NOL4L: variants seen among roughly 807,000 people sequenced by gnomAD.
NOL4L encodes the protein nucleolar protein 4 like.
NOL4L carries 7 observed loss-of-function variants against 64.5 expected under a neutral mutation model. The ratio of observed to expected loss-of-function variants is 0.11; its 90% confidence interval spans 0.06 to 0.20. The LOEUF (loss-of-function observed/expected upper bound fraction) is 0.20, where lower values mean the gene tolerates loss of function less well. NOL4L is among the 10% of genes least tolerant of loss of function. NOL4L has a pLI of 1.00. For missense variants in NOL4L, 680 were observed against 967.1 expected (o/e 0.70, Z 3.94); for synonymous variants, 413 against 401.0 (o/e 1.03, Z -0.36).
chr20:32,567,736 G>A (rs1430523545), intron 1 of NOL4L, among the ~76,000 whole-genome samples: 2 of 152,172 alleles, frequency 1.3e-5, no homozygotes, highest in Non-Finnish European at 2.9e-5. Flanking sequence ...GGAGCCCAAT[G>A]TGCAAACACA....
At chr20:32,511,505 T>A in intron 3 of NOL4L, 49 bp from the exon 4 acceptor site, 1 of 1,352,504 alleles carries the variant, frequency 7.4e-7, no homozygotes, top group Non-Finnish European at 1.0e-6. Flanking sequence ...GCTGCGGGCC[T>A]GTTGCCCACA....
intron 4 of NOL4L, among the ~76,000 whole-genome samples, chr20:32,492,927 C>A (rs2016523487): frequency 1.3e-5 from 2 of 152,202 alleles, no homozygotes; most frequent in Middle Eastern, 6.8e-3. Flanking sequence ...GTGGGCCCTG[C>A]TAAGGTGAGA....
rs1485550711 is a variant in NOL4L at position 32,453,588 on chromosome 20, A to G, written c.1293T>C (p.Leu431=). ...NDSEGMDPER[L]KAFNMFVRLF... The stretch of plus-strand genomic sequence containing the variant: ...GGCCGGTGCTCACGTTGAAGGCCTT[A>G]AGACGCTCAGGGTCCATGCCTTCAG... The change falls in exon 7 of 11, where the codon CTT becomes CTC. Residue 431 remains leucine (L), a synonymous_variant. Coordinates refer to ENST00000621426, the MANE Select transcript of NOL4L (RefSeq NM_001256798.2). This position sits in a 1 kb window ranked among gnomAD's most constrained non-coding sequence, Gnocchi z 5.6. 1.2e-6 allele frequency: 2 copies of G among 1,614,026 alleles called. No individual in the cohort carries two copies. The highest frequency in any genetic ancestry group is 1.7e-6 in the Non-Finnish European group (2 of 1,179,972).
At chr20:32,505,771 T>C (rs569749808) in intron 4 of NOL4L, among the ~76,000 whole-genome samples, 3 of 152,160 alleles carry the variant, frequency 2.0e-5, no homozygotes, top group African/African-American at 7.2e-5. Flanking sequence ...TGGATGAACC[T>C]TGAAGACATG....
At chr20:32,580,591 T>C (rs1454017863) in intron 1 of NOL4L, among the ~76,000 whole-genome samples, 1 of 152,098 alleles carries the variant, frequency 6.6e-6, no homozygotes, top group Non-Finnish European at 1.5e-5. Flanking sequence ...GTTTTGAGAG[T>C]GGAGTTTGGC....
intron 1 of NOL4L, among the ~76,000 whole-genome samples, chr20:32,577,431 T>C (rs1265321988): frequency 6.6e-6 from 1 of 152,238 alleles, no homozygotes; most frequent in African/African-American, 2.4e-5. Flanking sequence ...TGGAGCCTTC[T>C]GTATGTCATA....
chr20:32,514,484 C>T (rs553168743), intron 3 of NOL4L, among the ~76,000 whole-genome samples: 161 of 151,886 alleles, frequency 1.1e-3, no homozygotes, highest in Middle Eastern at 3.4e-3. Flanking sequence ...GAGCAAGACT[C>T]CGTCCCAAGG....
At chr20:32,554,153 T>C (rs747631188) in intron 1 of NOL4L, among the ~76,000 whole-genome samples, 8 of 151,882 alleles carry the variant, frequency 5.3e-5, no homozygotes, top group Non-Finnish European at 8.8e-5. Context: ...ACCCCGTCTC[T>C]ACTAAAAAAT....
intron 1 of NOL4L, 122 bp downstream of exon 1, chr20:32,584,448 C>T (rs1233812817): frequency 3.7e-6 from 3 of 820,594 alleles, no homozygotes; most frequent in African/African-American, 1.8e-5. Context: ...CCGGCGGGCC[C>T]GACACACGGA....
At chr20:32,465,514 T>G (rs897741090) in intron 5 of NOL4L, among the ~76,000 whole-genome samples, 2 of 152,188 alleles carry the variant, frequency 1.3e-5, no homozygotes, top group African/African-American at 4.8e-5. Context: ...TGCCTGTGTG[T>G]GGGTGTTCTC....
Position 32,452,319 on chromosome 20 carries a change from A to G in NOL4L, c.1739T>C (p.Leu580Pro). 6.2e-7 allele frequency: 1 copy of G among 1,609,326 alleles called. No homozygotes were observed. ...CCCGTACCCGCGGTAACTGTAGTTG[A>G]GGCCGCCGTTGGCGTACACAGGGTC... is the stretch of plus-strand genomic sequence containing the variant. ...SQDPVYANGG[L>P]NYSYRGYGAL... Residue 580 changes from leucine to proline, a missense_variant, in exon 10 of 11, where the codon CTC becomes CCC. Leu to Pro is a moderately conservative substitution (Grantham distance 98). Around this residue, in one of 4 missense-constraint regions of NOL4L, gnomAD observed 175 missense variants for 227.0 expected, o/e 0.77. Coordinates refer to ENST00000621426, the MANE Select transcript of NOL4L (RefSeq NM_001256798.2).
intron 1 of NOL4L, among the ~76,000 whole-genome samples, chr20:32,553,593 A>C (rs1278706594): frequency 6.6e-6 from 1 of 152,102 alleles, no homozygotes; most frequent in Non-Finnish European, 1.5e-5. Context: ...TAACATTTAC[A>C]TTTAGGGTTC....
chr20:32,509,489 G>C (rs2017287114), intron 4 of NOL4L, among the ~76,000 whole-genome samples: 1 of 129,854 alleles, frequency 7.7e-6, no homozygotes, highest in Non-Finnish European at 1.5e-5. Context: ...CTGCACTCCA[G>C]CCTGGGTGGC....
At chr20:32,547,146 C>G (rs1037464601) in intron 1 of NOL4L, among the ~76,000 whole-genome samples, 2 of 152,222 alleles carry the variant, frequency 1.3e-5, no homozygotes, top group African/African-American at 4.8e-5. Flanking sequence ...AACTCACTGA[C>G]TCTTCACTCC....
intron 1 of NOL4L, among the ~76,000 whole-genome samples, chr20:32,566,693 T>C: frequency 6.6e-6 from 1 of 152,142 alleles, no homozygotes. Context: ...AATGTCACAT[T>C]TTATAGCTGA....
At chr20:32,493,931 C>G (rs79395250) in intron 4 of NOL4L, among the ~76,000 whole-genome samples, 1 of 152,146 alleles carries the variant, frequency 6.6e-6, no homozygotes, top group Admixed American at 6.5e-5. Context: ...GAGACTAGGG[C>G]TCTCTTTCTT....
In NOL4L at chr20:32,447,030, G is replaced by A; in HGVS notation, c.*566C>T. 1 of 343,712 alleles carries A rather than the reference G, an allele frequency of 2.9e-6. No individual in the cohort carries two copies. The highest frequency in any genetic ancestry group is 5.7e-6 in the Non-Finnish European group (1 of 176,922). 21.3% of individuals were successfully genotyped at this position (343,712 alleles called of 1,614,324 possible). A position where few individuals can be genotyped will look rare whatever the true frequency, so the allele number is the denominator to read the frequency against. On this transcript the variant is annotated 3_prime_UTR_variant, in exon 11 of 11. Transcript: ENST00000621426. ...CAGAGGAACAGCCAGCCTGGCACCT[G>A]TCCTGCCCCTACTGGCCCCAGCCCA...
chr20:32,503,379 GC>G (rs1306965304), intron 4 of NOL4L, among the ~76,000 whole-genome samples: 2 of 152,326 alleles, frequency 1.3e-5, no homozygotes, highest in East Asian at 3.9e-4. Context: ...GAAGCCAGAA[GC>G]GGACAAGCAA....
In NOL4L at chr20:32,511,393, G is replaced by A. The variant is rs1231156342; in HGVS notation, c.653C>T (p.Thr218Ile). The A allele has an allele frequency of 6.4e-7, 1 of 1,550,560 alleles. No individual in the cohort carries two copies. ...TCGAAGCTTCATCTGCTTCAGGTAG[G>A]TGGAGGTGAGGGGCATGTTGTAATC... ...IIDYNMPLTSTYLKQMKLRVM... is the reference protein window; with the variant it reads ...IIDYNMPLTSIYLKQMKLRVM... Residue 218 changes from threonine (T) to isoleucine (I), a missense_variant, in exon 4 of 11, where the codon ACC (threonine) becomes ATC (isoleucine). Around this residue, in one of 4 missense-constraint regions of NOL4L, gnomAD observed 181 missense variants for 335.2 expected, o/e 0.54. Coordinates refer to ENST00000621426, the MANE Select transcript of NOL4L (RefSeq NM_001256798.2).
Sources: allele counts gnomAD v4.1 joint callset (sites outside exome capture counted in the v4.1 genomes callset), GRCh38; gene constraint gnomAD v4.1.1; regional missense constraint gnomAD v4.1.1; non-coding constraint Gnocchi (gnomAD v3.1); transcripts MANE v1.5; gene names NCBI Gene and HGNC (gene_info 2026-07-23, HGNC 2026-07-21).